Variants in CCSER1 observed in about 807,000 individuals in gnomAD.
CCSER1 encodes serine-rich coiled-coil domain-containing protein 1.
In CCSER1, 41 loss-of-function variants were observed where a neutral mutation model predicts 82.0. The observed-to-expected ratio is 0.50, with a 90% CI of 0.39 to 0.65. The LOEUF (loss-of-function observed/expected upper bound fraction) is 0.65. Ranked by LOEUF, CCSER1 falls within the 30% of genes least tolerant of loss-of-function variation. CCSER1 has a pLI of 0.00. For missense variants in CCSER1, 1,119 were observed against 1,064.2 expected, an observed-to-expected ratio of 1.05 and a Z score of -0.72; for synonymous variants, 414 against 383.9, an observed-to-expected ratio of 1.08 and a Z score of -0.92.
intron 8 of CCSER1, among the ~76,000 whole-genome samples, chr4:90,854,265 C>A (rs1348198246): frequency 1.3e-5 from 2 of 152,072 alleles, no homozygotes; most frequent in Non-Finnish European, 2.9e-5. Context: ...ACAAGGTAAA[C>A]CAGTTTGGCT....
Position 90,284,916 on chromosome 4 carries a change from T to C in CCSER1, c.-41-23328T>C, listed in dbSNP as rs982277183. On this transcript the variant is annotated intron_variant, in intron 1 of 10. Coordinates refer to ENST00000509176, the MANE Select transcript of CCSER1 (RefSeq NM_001145065.2). ...ACTGTCCTTTCCCCAAGGTATATCC[T>C]TGGCAACTTTGTCAAAAATGAGTTT... 1.2e-4 allele frequency among the ~76,000 whole-genome samples: 19 copies of C among 152,096 alleles called. No homozygotes were observed. The East Asian group carries it at 1.4e-3, about 11-fold the overall frequency.
chr4:91,338,832 G>T (rs1416716657), intron 10 of CCSER1, among the ~76,000 whole-genome samples: 2 of 152,068 alleles, frequency 1.3e-5, no homozygotes, highest in Non-Finnish European at 1.5e-5. Context: ...TCCTGGTGAT[G>T]CCCACATGCT....
intron 8 of CCSER1, among the ~76,000 whole-genome samples, chr4:90,916,756 T>C (rs1422517233): frequency 1.3e-5 from 2 of 152,062 alleles, no homozygotes; most frequent in African/African-American, 2.4e-5. Flanking sequence ...ATTTTTGCAA[T>C]CTACTCATCT....
At chr4:91,154,023 A>G (rs1420777499) in intron 10 of CCSER1, among the ~76,000 whole-genome samples, 2 of 151,706 alleles carry the variant, frequency 1.3e-5, no homozygotes, top group Non-Finnish European at 2.9e-5. Context: ...GAGAACCACT[A>G]CTCTCTTCAA....
chr4:90,608,606 C>T (rs1395993666), intron 5 of CCSER1, among the ~76,000 whole-genome samples: 1 of 151,984 alleles, frequency 6.6e-6, no homozygotes, highest in Admixed American at 6.6e-5. Context: ...CAAATATATA[C>T]ATTATCATTA....
At chr4:90,209,754 GTCTGTTTGTC>G (rs1467189021) in intron 1 of CCSER1, among the ~76,000 whole-genome samples, 1 of 147,792 alleles carries the variant, frequency 6.8e-6, no homozygotes, top group African/African-American at 2.5e-5. Context: ...AGCTCATTGT[GTCTGTTTGTC>G]TAGTGTTTTT....
At chr4:91,220,313 C>T (rs755425525) in intron 10 of CCSER1, among the ~76,000 whole-genome samples, 3 of 152,144 alleles carry the variant, frequency 2.0e-5, no homozygotes, top group African/African-American at 7.2e-5. Context: ...TCGTTTCTTG[C>T]ATGCTGCTGT....
chr4:91,350,613 A>T (rs1748407565), intron 10 of CCSER1, among the ~76,000 whole-genome samples: 1 of 152,098 alleles, frequency 6.6e-6, no homozygotes, highest in Non-Finnish European at 1.5e-5. Context: ...TGTCACATTA[A>T]CTACATGTTA....
chr4:91,078,012 G>A (rs1722203631), intron 9 of CCSER1, among the ~76,000 whole-genome samples: 1 of 152,216 alleles, frequency 6.6e-6, no homozygotes, highest in Admixed American at 6.5e-5. Flanking sequence ...TCCACCTCTA[G>A]GGGCAGGGCA....
chr4:91,283,007 T>G (rs1743032334), intron 10 of CCSER1, among the ~76,000 whole-genome samples: 1 of 152,092 alleles, frequency 6.6e-6, no homozygotes, highest in Admixed American at 6.6e-5. Flanking sequence ...ATTTAATCTT[T>G]TAAAGATATT....
intron 9 of CCSER1, among the ~76,000 whole-genome samples, chr4:90,966,764 A>T (rs1734604954): frequency 6.6e-6 from 1 of 152,116 alleles, no homozygotes; most frequent in Non-Finnish European, 1.5e-5. Context: ...TAGTTGTAAA[A>T]CTATATTGAT....
intron 7 of CCSER1, among the ~76,000 whole-genome samples, chr4:90,764,881 C>T (rs764167657): frequency 6.6e-6 from 1 of 152,110 alleles, no homozygotes; most frequent in Non-Finnish European, 1.5e-5. Context: ...CTTCCAAACA[C>T]TTTAATGGTA....
At chr4:91,448,970 G>C (rs920328132) in intron 10 of CCSER1, among the ~76,000 whole-genome samples, 2 of 152,028 alleles carry the variant, frequency 1.3e-5, no homozygotes, top group Admixed American at 1.3e-4. Flanking sequence ...TAGGGGGTAG[G>C]TATGGTTTAC....
At chr4:90,527,707 T>C (rs1485002171) in intron 5 of CCSER1, among the ~76,000 whole-genome samples, 2 of 152,090 alleles carry the variant, frequency 1.3e-5, no homozygotes, top group Admixed American at 6.6e-5. Flanking sequence ...TTTAAATTGC[T>C]AACATAAAAG....
At chr4:91,179,127 C>T (rs963391460) in intron 10 of CCSER1, among the ~76,000 whole-genome samples, 61 of 152,238 alleles carry the variant, frequency 4.0e-4, no homozygotes, top group African/African-American at 1.4e-3. Context: ...TGAATATTGG[C>T]CCCCACTCTC....
At chr4:90,889,302 A>G (rs762053494) in intron 8 of CCSER1, among the ~76,000 whole-genome samples, 14 of 152,166 alleles carry the variant, frequency 9.2e-5, no homozygotes, top group Non-Finnish European at 1.8e-4. Flanking sequence ...TACTGGGTGT[A>G]AGAAATTTAT....
At chr4:91,504,646 T>G (rs918828976) in intron 10 of CCSER1, among the ~76,000 whole-genome samples, 3 of 152,168 alleles carry the variant, frequency 2.0e-5, no homozygotes, top group African/African-American at 7.2e-5. Flanking sequence ...ATTGCAAAAC[T>G]ATCATAATTT....
intron 6 of CCSER1, among the ~76,000 whole-genome samples, chr4:90,707,275 A>G (rs563219913): frequency 6.0e-5 from 9 of 151,146 alleles, no homozygotes; most frequent in Admixed American, 4.6e-4. Context: ...TCTCAATCCT[A>G]TCTCCGCCAG....
chr4:90,684,675 G>A (rs1734482226), intron 6 of CCSER1, among the ~76,000 whole-genome samples: 1 of 152,122 alleles, frequency 6.6e-6, no homozygotes, highest in Admixed American at 6.6e-5. Context: ...ATATGGTTTG[G>A]CTGTGTCCCC....
Sources: allele counts gnomAD v4.1 joint callset (sites outside exome capture counted in the v4.1 genomes callset), GRCh38; gene constraint gnomAD v4.1.1; transcripts MANE v1.5; gene names NCBI Gene and HGNC (gene_info 2026-07-23, HGNC 2026-07-21).